Variants in PCDH15 observed in about 807,000 individuals in gnomAD.
PCDH15 encodes protocadherin related 15.
Under a neutral mutation model 178.5 loss-of-function variants are expected in PCDH15, and 129 were observed. The observed-to-expected ratio is 0.72, with a 90% CI of 0.63 to 0.84. The LOEUF is 0.84. Ranked by LOEUF, PCDH15 falls within the 40% of genes least tolerant of loss-of-function variation. The pLI is 0.00. For missense variants in PCDH15, 2,230 were observed against 2,099.9 expected (o/e 1.06, Z -1.21); for synonymous variants, 800 against 732.0 (o/e 1.09, Z -1.50).
intron 2 of PCDH15, among the ~76,000 whole-genome samples, chr10:55,073,666 G>C (rs1047553762): frequency 6.6e-6 from 1 of 152,080 alleles, no homozygotes; most frequent in African/African-American, 2.4e-5. Context: ...CTCATAAAAT[G>C]AGTTAGAGAG....
intron 2 of PCDH15, among the ~76,000 whole-genome samples, chr10:55,023,352 T>A (rs1840387077): frequency 6.6e-6 from 1 of 152,240 alleles, no homozygotes; most frequent in Non-Finnish European, 1.5e-5. Flanking sequence ...AAACGCAGTG[T>A]AGATAAAATC....
At chr10:54,143,030 C>G (rs1232415095) in intron 14 of PCDH15, among the ~76,000 whole-genome samples, 1 of 152,100 alleles carries the variant, frequency 6.6e-6, no homozygotes, top group African/African-American at 2.4e-5. Context: ...AGCAAAATTT[C>G]AAGTTCTAAA....
At chr10:54,595,075 CACT>C (rs1030293842) in intron 2 of PCDH15, among the ~76,000 whole-genome samples, 2 of 152,206 alleles carry the variant, frequency 1.3e-5, no homozygotes, top group African/African-American at 2.4e-5. Flanking sequence ...CCGCCACAGC[CACT>C]ACTACAAACA....
intron 1 of PCDH15, among the ~76,000 whole-genome samples, chr10:55,177,057 A>T (rs1839510383): frequency 6.6e-6 from 1 of 152,158 alleles, no homozygotes. Flanking sequence ...AAGATGTAAG[A>T]TCTCAAAATT....
intron 2 of PCDH15, among the ~76,000 whole-genome samples, chr10:55,572,059 T>C (rs1294613891): frequency 6.6e-6 from 1 of 152,076 alleles, no homozygotes; most frequent in Non-Finnish European, 1.5e-5. Context: ...TCCCAAGGAA[T>C]GATTATCAGA....
chr10:55,529,927 G>A (rs1841412798), intron 2 of PCDH15, among the ~76,000 whole-genome samples: 1 of 150,826 alleles, frequency 6.6e-6, no homozygotes, highest in South Asian at 2.1e-4. Context: ...CAAATTAGTA[G>A]GAATGAGTGA....
At chr10:55,519,663 T>C (rs1214575375) in intron 2 of PCDH15, among the ~76,000 whole-genome samples, 3 of 152,034 alleles carry the variant, frequency 2.0e-5, no homozygotes, top group African/African-American at 7.2e-5. Flanking sequence ...ATTTATGTCA[T>C]TAGAAAATTT....
intron 1 of PCDH15, among the ~76,000 whole-genome samples, chr10:55,262,901 C>T (rs1842182528): frequency 2.0e-5 from 3 of 152,148 alleles, no homozygotes; most frequent in African/African-American, 7.2e-5. Context: ...CTCTAACACA[C>T]GCCCATTGGG....
intron 2 of PCDH15, among the ~76,000 whole-genome samples, chr10:55,069,228 A>G (rs1212993278): frequency 6.7e-5 from 9 of 133,380 alleles, no homozygotes; most frequent in Admixed American, 7.6e-5. Context: ...GTTCTGTTAG[A>G]TTTGGTTTGC....
chr10:54,813,345 T>C (rs1287620000), intron 3 of PCDH15, among the ~76,000 whole-genome samples: 1 of 151,918 alleles, frequency 6.6e-6, no homozygotes, highest in African/African-American at 2.4e-5. Context: ...ACCATCTGCT[T>C]AGTAGATGTC....
intron 20 of PCDH15, among the ~76,000 whole-genome samples, chr10:54,003,566 T>C (rs2092263587): frequency 6.6e-6 from 1 of 151,544 alleles, no homozygotes; most frequent in Non-Finnish European, 1.5e-5. Context: ...TATGAAGAAA[T>C]CCAAAACATT....
At chr10:55,185,246 G>A (rs1839761502) in intron 1 of PCDH15, among the ~76,000 whole-genome samples, 1 of 151,750 alleles carries the variant, frequency 6.6e-6, no homozygotes, top group Non-Finnish European at 1.5e-5. Flanking sequence ...CAAAACAAAT[G>A]TTTAGGTGGT....
In PCDH15 at chr10:55,051,828, GAGAAATTTAAGCATATGAACACACAGCC is replaced by G. The variant is rs1841169836; in HGVS notation, c.-80+114720_-80+114747del. Reference sequence around the variant, plus strand: ...GATTGTGATCATTTGTTAGTAATAAGAGAAATTTAAGCATATGAACACACAGCCAGAATACTTGGGCTCCAGTGCTCAT... The same window carrying G: ...GATTGTGATCATTTGTTAGTAATAAGAGAATACTTGGGCTCCAGTGCTCAT... On this transcript the variant is annotated intron_variant, in intron 2 of 5. Transcript: ENST00000458638. 2.6e-5 allele frequency among the ~76,000 whole-genome samples: 4 copies of G among 152,122 alleles called. No homozygotes were observed. The South Asian group carries it at 8.3e-4, about 32-fold the overall frequency.
chr10:54,383,943 A>AT (rs1181625186), intron 3 of PCDH15, among the ~76,000 whole-genome samples: 1 of 151,114 alleles, frequency 6.6e-6, no homozygotes, highest in Non-Finnish European at 1.5e-5. Flanking sequence ...CTCAGCCTCC[A>AT]TAATAGCTGG....
At chr10:53,815,407 A>G (rs995276797) in intron 35 of PCDH15, among the ~76,000 whole-genome samples, 1 of 152,154 alleles carries the variant, frequency 6.6e-6, no homozygotes, top group Admixed American at 6.5e-5. Flanking sequence ...GTGTATCTTG[A>G]CTAAGGTCTT....
intron 1 of PCDH15, among the ~76,000 whole-genome samples, chr10:55,222,750 T>C (rs796658947): frequency 0.31 from 39,881 of 126,766 alleles, 7,270 homozygotes; most frequent in Middle Eastern, 0.4. Context: ...TATATATATA[T>C]ATATATATAT....
chr10:54,872,563 T>C (rs1433482612), intron 3 of PCDH15, among the ~76,000 whole-genome samples: 5 of 152,140 alleles, frequency 3.3e-5, no homozygotes, highest in Admixed American at 1.3e-4. Context: ...TTCTGACCGA[T>C]AGTGATGCTT....
intron 32 of PCDH15, chr10:53,822,941 T>C: frequency 6.2e-7 from 1 of 1,614,160 alleles, no homozygotes; most frequent in Non-Finnish European, 8.5e-7. Context: ...GCTGCAGATC[T>C]ATGATCTCTG....
At chr10:54,037,932 G>C (rs550119581) in intron 18 of PCDH15, among the ~76,000 whole-genome samples, 2 of 152,092 alleles carry the variant, frequency 1.3e-5, no homozygotes, top group African/African-American at 4.8e-5. Context: ...CATAAAGACT[G>C]ATTGCTTTTG....
Sources: allele counts gnomAD v4.1 joint callset (sites outside exome capture counted in the v4.1 genomes callset), GRCh38; gene constraint gnomAD v4.1.1; transcripts MANE v1.5; gene names NCBI Gene and HGNC (gene_info 2026-07-23, HGNC 2026-07-21).